CHRNB1: variants seen among roughly 807,000 people sequenced by gnomAD.
The protein encoded by CHRNB1 is cholinergic receptor nicotinic beta 1 subunit.
A neutral mutation model predicts 53.8 loss-of-function variants in CHRNB1; 47 were observed. The observed-to-expected ratio is 0.87, with a 90% CI of 0.69 to 1.11. The LOEUF is 1.11. CHRNB1 is among the 50% of genes most tolerant of loss of function. CHRNB1 has a pLI of 0.00. For missense variants in CHRNB1, 605 were observed against 654.9 expected (o/e 0.92, Z 0.83); for synonymous variants, 259 against 263.5 (o/e 0.98, Z 0.16).
At chr17:7,447,864 G>A (rs572409120) in intron 6 of CHRNB1, among the ~76,000 whole-genome samples, 13 of 152,114 alleles carry the variant, frequency 8.5e-5, no homozygotes, top group African/African-American at 3.1e-4. Context: ...GATCATTTGA[G>A]GTCTGGAGTT....
At chr17:7,448,877 C>A in intron 7 of CHRNB1, 89 bp downstream of exon 7, 5 of 1,397,478 alleles carry the variant, frequency 3.6e-6, no homozygotes, top group Non-Finnish European at 5.0e-6. Flanking sequence ...TCCTGCCAAT[C>A]CAAAGCATCA....
At chr17:7,455,144 C>G in intron 8 of CHRNB1, 140 bp from the exon 9 acceptor site, 2 of 979,740 alleles carry the variant, frequency 2.0e-6, no homozygotes, top group South Asian at 2.8e-5. Flanking sequence ...GCTGCATTTC[C>G]TTGTGTAGCT....
chr17:7,445,680 G>T lies in CHRNB1; in HGVS notation c.198+271G>T. 1 of 1,279,916 alleles carries T rather than the reference G, an allele frequency of 7.8e-7. No individual in the cohort carries two copies. The highest frequency in any genetic ancestry group is 1.0e-6 in the Non-Finnish European group (1 of 960,316). 79.3% of individuals were successfully genotyped at this position (1,279,916 alleles called of 1,614,324 possible). A position where few individuals can be genotyped will look rare whatever the true frequency, so the allele number is the denominator to read the frequency against. On this transcript the variant is annotated intron_variant, in intron 2 of 10. Transcript: ENST00000306071. This position sits in a 1 kb window ranked among gnomAD's most constrained non-coding sequence, Gnocchi z 5.7. ...GGCTGGGGACGAGGCAGGGGCTGGG[G>T]GACGGACCTCGACGTAGGGCCACAT...
At chr17:7,450,046 A>AATAC (rs936819360) in intron 7 of CHRNB1, among the ~76,000 whole-genome samples, 6 of 104,964 alleles carry the variant, frequency 5.7e-5, no homozygotes, top group South Asian at 3.4e-4. Context: ...TCAAAAAATA[A>AATAC]ATAAATAAAT....
rs113782397 is a variant in CHRNB1, at chr17:7,446,337, G to C, written c.243+224G>C. 0.097 allele frequency: 30,297 copies of C among 312,848 alleles called. 633 individuals are homozygous for C. The highest frequency in any genetic ancestry group is 0.21 in the Admixed American group (4,273 of 20,622). 19.4% of individuals were successfully genotyped at this position (312,848 alleles called of 1,614,324 possible). ...TGTGTGTGTGTGTGTCTGTGTGTGT[G>C]TGTGTGTGTGTGTGTGTGTGTGTGT... On this transcript the variant is annotated intron_variant, in intron 3 of 10. Transcript: ENST00000306071.
At chr17:7,450,560 C>T (rs1487795114) in intron 7 of CHRNB1, among the ~76,000 whole-genome samples, 1 of 152,206 alleles carries the variant, frequency 6.6e-6, no homozygotes, top group African/African-American at 2.4e-5. Context: ...GCCTGGCACC[C>T]AGTAAGTTCT....
rs927568182 is a variant in CHRNB1 at position 7,454,166 on chromosome 17, A to G, written c.821-131A>G. On this transcript the variant is annotated intron_variant, in intron 7 of 10. Coordinates refer to ENST00000306071, the MANE Select transcript of CHRNB1 (RefSeq NM_000747.3). ...CTTGGCCTCCCAAAGTGCCAGGACT[A>G]CAGGTGTGAACCACTGTGCCTGGCT... is the stretch of plus-strand genomic sequence containing the variant. 37 of 808,934 alleles carry G rather than the reference A, an allele frequency of 4.6e-5. No homozygotes were observed. The African/African-American group carries it at 6.1e-4, about 13-fold the overall frequency. 50.1% of individuals were successfully genotyped at this position (808,934 alleles called of 1,614,324 possible). A position where few individuals can be genotyped will look rare whatever the true frequency, so the allele number is the denominator to read the frequency against.
chr17:7,450,118 A>T (rs1311091740), intron 7 of CHRNB1, among the ~76,000 whole-genome samples: 1 of 151,684 alleles, frequency 6.6e-6, no homozygotes, highest in African/African-American at 2.4e-5. Context: ...AGGCAGCAAA[A>T]TAGGATAACT....
chr17:7,456,473 G>T, intron 10 of CHRNB1, 110 bp from the exon 11 acceptor site: 2 of 1,412,480 alleles, frequency 1.4e-6, no homozygotes, highest in African/African-American at 1.4e-5. Flanking sequence ...GCCGGCTGTT[G>T]CCTCAAACCA....
At chr17:7,454,547 C>T in intron 8 of CHRNB1, 27 bp downstream of exon 8, 2 of 1,584,904 alleles carry the variant, frequency 1.3e-6, no homozygotes, top group Non-Finnish European at 1.7e-6. Flanking sequence ...CCTCCAACCC[C>T]AATTTTCCTT....
intron 7 of CHRNB1, among the ~76,000 whole-genome samples, chr17:7,452,304 C>T (rs887475652): frequency 4.6e-5 from 7 of 152,074 alleles, no homozygotes; most frequent in Admixed American, 2.6e-4. Flanking sequence ...GTGATCTGAC[C>T]GCCTCAGCCT....
intron 7 of CHRNB1, among the ~76,000 whole-genome samples, chr17:7,450,861 A>T (rs1908858586): frequency 6.6e-6 from 1 of 152,190 alleles, no homozygotes. Context: ...TATTCAAAAC[A>T]TGCTTTCCTC....
At chr17:7,451,835 C>G (rs1219216768) in intron 7 of CHRNB1, among the ~76,000 whole-genome samples, 2 of 152,142 alleles carry the variant, frequency 1.3e-5, no homozygotes, top group East Asian at 3.9e-4. Flanking sequence ...CTCCATGCCC[C>G]CACCCAAGGA....
At chr17:7,455,984 T>C in intron 10 of CHRNB1, 43 bp downstream of exon 10, 1 of 1,603,086 alleles carries the variant, frequency 6.2e-7, no homozygotes, top group East Asian at 2.2e-5. Context: ...CTAGGCGACC[T>C]TGGCCCCACC....
Position 7,445,421 on chromosome 17 carries a change from C to T in CHRNB1, c.198+12C>T, listed in dbSNP as rs200245854. 1 of 1,609,926 alleles carries T rather than the reference C, an allele frequency of 6.2e-7. No homozygotes were observed. The highest frequency in any genetic ancestry group is 2.2e-5 in the East Asian group (1 of 44,794). On this transcript the variant is annotated intron_variant, in intron 2 of 10. Transcript: ENST00000306071. This position sits in a 1 kb window ranked among gnomAD's most constrained non-coding sequence, Gnocchi z 5.7. Reference sequence around the variant, plus strand: ...AACTCATCAGCCTGGTGAGGGCGCGCGGGGGGTGGAGGTCAGGCCAGCCGA... The same window carrying T: ...AACTCATCAGCCTGGTGAGGGCGCGTGGGGGGTGGAGGTCAGGCCAGCCGA...
chr17:7,446,002 GC>G (rs1355184059), intron 2 of CHRNB1, 66 bp from the exon 3 acceptor site: 9 of 1,433,372 alleles, frequency 6.3e-6, no homozygotes, highest in Non-Finnish European at 8.9e-6. Flanking sequence ...AGAGAGGTTG[GC>G]CCCCCGAGCC....
At chr17:7,450,040 A>AAAT (rs1555552114) in intron 7 of CHRNB1, among the ~76,000 whole-genome samples, 3 of 142,888 alleles carry the variant, frequency 2.1e-5, no homozygotes, top group Non-Finnish European at 1.5e-5. Context: ...TCTGTCTCAA[A>AAAT]AAATAAATAA....
chr17:7,453,582 C>CTTT lies in CHRNB1; in HGVS notation c.821-694_821-692dup, dbSNP rs71157287. Among the ~76,000 whole-genome samples, 302 of 95,912 alleles carry CTTT rather than the reference C, an allele frequency of 3.1e-3. 2 individuals carry two copies. The highest frequency in any genetic ancestry group is 8.1e-3 in the East Asian group (28 of 3,470). The allele number at this position is 95,912 out of a possible 152,430, so 62.9% of individuals were successfully genotyped here. On this transcript the variant is annotated intron_variant, in intron 7 of 10. Coordinates refer to ENST00000306071, the MANE Select transcript of CHRNB1 (RefSeq NM_000747.3). ...GCAGATGGCCCTTCCAAAAGCCTGT[C>CTTT]TTTTTTTTTTTTTTTTTTTTTTTAT...
intron 5 of CHRNB1, 49 bp downstream of exon 5, chr17:7,447,200 CT>C: frequency 6.7e-7 from 1 of 1,502,662 alleles, no homozygotes. Flanking sequence ...CAAATCCTCC[CT>C]TTCCTTAGAC....
Sources: gnomAD v4.1 joint callset for allele counts (sites outside exome capture counted in the v4.1 genomes callset) on GRCh38, gnomAD v4.1.1 for gene constraint, Gnocchi (gnomAD v3.1) non-coding constraint, MANE v1.5 for transcripts, NCBI Gene and HGNC (gene_info 2026-07-23, HGNC 2026-07-21) for gene names.